Variants in DIABLO observed in about 807,000 individuals in gnomAD.
The protein encoded by DIABLO is diablo homolog, mitochondrial.
In DIABLO, 32 loss-of-function variants were observed where a neutral mutation model predicts 31.7. The ratio of observed to expected loss-of-function variants is 1.01; its 90% CI spans 0.76 to 1.35. DIABLO has a LOEUF of 1.35. Among genes scored for constraint, DIABLO ranks in the 40% most tolerant of loss-of-function variants. The pLI is 0.00. For synonymous variants in DIABLO, 132 were observed against 103.2 expected (o/e 1.28, Z -1.69); for missense variants, 316 against 286.4 (o/e 1.10, Z -0.75).
At chr12:122,226,470 A>C (rs1331689167), upstream of DIABLO, 2 of 697,510 alleles carry the variant, frequency 2.9e-6, no homozygotes, top group Non-Finnish European at 5.2e-6. Flanking sequence ...GCCGGCCAGC[A>C]GCAGCGCCCC....
intron 5 of DIABLO, 189 bp from the exon 6 acceptor site, chr12:122,208,766 C>CT (rs1334542224): frequency 1.4e-5 from 10 of 698,604 alleles, no homozygotes; most frequent in Non-Finnish European, 2.6e-5. Context: ...AACTGACACT[C>CT]TGTCAAAAAC....
intron 2 of DIABLO, chr12:122,222,347 A>T (rs1954350968): frequency 6.6e-6 from 1 of 152,326 alleles, no homozygotes; most frequent in Non-Finnish European, 1.5e-5. Context: ...TGACGCCTGT[A>T]ATCCCAGCAC....
chr12:122,210,162 T>G (rs779910130), intron 5 of DIABLO, among the ~76,000 whole-genome samples: 1 of 152,152 alleles, frequency 6.6e-6, no homozygotes, highest in Non-Finnish European at 1.5e-5. Flanking sequence ...GCTTTTCGTT[T>G]TGGTGCTGCC....
intron 1 of DIABLO, chr12:122,225,672 T>C: frequency 7.3e-7 from 1 of 1,373,158 alleles, no homozygotes; most frequent in Non-Finnish European, 9.4e-7. Context: ...CCTCAGGGAC[T>C]TCGAGTGGCT....
rs772290509 is a variant in DIABLO, at chr12:122,226,027, G to C, written c.-13C>G. 2 of 1,601,040 alleles carry C rather than the reference G, an allele frequency of 1.2e-6. No homozygotes were observed. Among genetic ancestry groups the C allele is most frequent in the African/African-American group, 2.7e-5 (2 of 74,702 alleles). On this transcript the variant is annotated 5_prime_UTR_variant, in exon 1 of 6. Transcript: ENST00000464942. ...TCAGAGCCGCCATTGTGCAGCGCGC[G>C]GACGCCAGACGCACACGCCGGAAGT...
At chr12:122,225,939 T>G (rs1221752738) in intron 1 of DIABLO, 26 bp downstream of exon 1, 1 of 1,578,050 alleles carries the variant, frequency 6.3e-7, no homozygotes, top group Non-Finnish European at 8.6e-7. Context: ...TCTGGTCCTG[T>G]CCCCTCTACG....
chr12:122,211,077 TAAAAAAAAAAAAA>T lies in DIABLO; in HGVS notation c.524-2513_524-2501del, dbSNP rs1156571584. 5.2e-3 allele frequency among the ~76,000 whole-genome samples: 75 copies of T among 14,342 alleles called. 1 individual carries two copies. The East Asian group carries it at 0.061, about 12-fold the overall frequency. The allele number at this position is 14,342 out of a possible 152,430, so 9.4% of individuals were successfully genotyped here. On this transcript the variant is annotated intron_variant, in intron 5 of 5. Coordinates refer to ENST00000464942, the MANE Select transcript of DIABLO (RefSeq NM_001371333.1). ...TGATTTTCCTTTGTTTAGTTAAAAG[TAAAAAAAAAAAAA>T]AAAAAAAAAAAAAAAAAAAAAAATC...
At chr12:122,209,791 C>G (rs1042245522) in intron 5 of DIABLO, 26 of 703,438 alleles carry the variant, frequency 3.7e-5, no homozygotes, top group African/African-American at 3.7e-4. Context: ...CAAGAACCTT[C>G]AGGACAATGT....
At chr12:122,225,476 G>A (rs1033046389) in intron 1 of DIABLO, 61 of 1,019,626 alleles carry the variant, frequency 6.0e-5, no homozygotes, top group Non-Finnish European at 6.7e-5. Flanking sequence ...ATTTAGCTCT[G>A]GACCCCTGGC....
chr12:122,212,725 C>T (rs528877390), intron 5 of DIABLO, among the ~76,000 whole-genome samples: 38 of 151,568 alleles, frequency 2.5e-4, no homozygotes, highest in Non-Finnish European at 4.6e-4. Flanking sequence ...CCCAGGTTCA[C>T]GCCATTCTCC....
chr12:122,221,689 T>C (rs1002532819), intron 2 of DIABLO: 4 of 152,178 alleles, frequency 2.6e-5, no homozygotes, highest in Non-Finnish European at 5.9e-5. Flanking sequence ...AGAGCCATCG[T>C]GCCTAGCTGA....
chr12:122,225,566 TC>T, intron 1 of DIABLO: 1 of 1,164,616 alleles, frequency 8.6e-7, no homozygotes, highest in Non-Finnish European at 1.1e-6. Flanking sequence ...CTGCGCCAGC[TC>T]CCCCGGCCCC....
In DIABLO at chr12:122,216,479, T is replaced by TG. The variant is rs1251669329; in HGVS notation, c.523+8dup. Reference sequence around the variant, plus strand: ...TAAAAAAAAAACCCAACACAAAACTTGAACCTACCAGTTTGATATGCAGCT... The same window carrying TG: ...TAAAAAAAAAACCCAACACAAAACTTGGAACCTACCAGTTTGATATGCAGCT... On this transcript the variant is annotated intron_variant, in intron 5 of 5. Coordinates refer to ENST00000464942, the MANE Select transcript of DIABLO (RefSeq NM_001371333.1). The TG allele has an allele frequency of 1.9e-6, 3 of 1,611,650 alleles. No homozygotes were observed. Among genetic ancestry groups the TG allele is most frequent in the Non-Finnish European group, 2.5e-6 (3 of 1,178,248 alleles).
intron 1 of DIABLO, chr12:122,224,874 C>T (rs1593183545): frequency 1.4e-6 from 2 of 1,437,922 alleles, no homozygotes; most frequent in East Asian, 2.9e-5. Context: ...AGGCCAAGGG[C>T]AAGGCGGGAG....
Position 122,208,580 on chromosome 12 carries a change from G to A in DIABLO, c.524-3C>T. The A allele has an allele frequency of 6.2e-7, 1 of 1,611,680 alleles. No homozygotes were observed. The highest frequency in any genetic ancestry group is 1.3e-5 in the African/African-American group (1 of 75,040). ...GGTTATAGAGGCCTGATCTGCGCCTGCCAAAAGATGGGACAATCGGGTTGA... is the reference window on the plus strand; with the variant it reads ...GGTTATAGAGGCCTGATCTGCGCCTACCAAAAGATGGGACAATCGGGTTGA... On this transcript the variant is annotated splice_region_variant and splice_polypyrimidine_tract_variant and intron_variant, in intron 5 of 5. Transcript: ENST00000464942.
rs755377544 is a variant in DIABLO at position 122,225,983 on chromosome 12, C to T, written c.32G>A (p.Ser11Asn). ...GCGGTACCTGAAGAATGAAGTTACG[C>T]TGCGCGACAGCCAACTCTTCAGAGC... is the stretch of plus-strand genomic sequence containing the variant. MAALKSWLSR[S>N]VTSFFRYRQC... Residue 11 changes from serine to asparagine, a missense_variant, in exon 1 of 6, where the codon AGC (serine) becomes AAC (asparagine). Ser to Asn is a conservative substitution (Grantham distance 46). Transcript: ENST00000464942. 17 of 1,601,504 alleles carry T rather than the reference C, an allele frequency of 1.1e-5. No individual in the cohort carries two copies. The South Asian group carries it at 1.5e-4, about 14-fold the overall frequency.
intron 5 of DIABLO, among the ~76,000 whole-genome samples, chr12:122,211,770 T>C (rs1954094116): frequency 6.6e-6 from 1 of 152,182 alleles, no homozygotes; most frequent in Non-Finnish European, 1.5e-5. Flanking sequence ...GAAAATTGAG[T>C]ATTACACACA....
chr12:122,216,825 T>A lies in DIABLO; in HGVS notation c.360A>T (p.Leu120Phe), dbSNP rs759161752. The stretch of plus-strand genomic sequence containing the variant: ...CCTCCTCTGAATTCATTTTCCCAAG[T>A]AAACTTGTATATTGTCGGTAAAGAG... ...LTSLYRQYTSLLGKMNSEEED... is the reference protein window; with the variant it reads ...LTSLYRQYTSFLGKMNSEEED... Residue 120 changes from leucine to phenylalanine, a missense_variant, in exon 4 of 6, where the codon TTA becomes TTT. Transcript: ENST00000464942. 3 of 1,614,156 alleles carry A rather than the reference T, an allele frequency of 1.9e-6. No homozygotes were observed. Among genetic ancestry groups the A allele is most frequent in the Non-Finnish European group, 2.5e-6 (3 of 1,180,026 alleles).
In DIABLO at chr12:122,224,953, T is replaced by TAA. The variant is rs5801478; in HGVS notation, c.51-311_51-310dup. On this transcript the variant is annotated intron_variant, in intron 1 of 5. Coordinates refer to ENST00000464942, the MANE Select transcript of DIABLO (RefSeq NM_001371333.1). ...GCTGGCAACATGACCCCGTGTCTAT[T>TAA]AAAAAAAAATAAGTAAATAAAGGCC... 4 of 698,710 alleles carry TAA rather than the reference T, an allele frequency of 5.7e-6. No homozygotes were observed. The African/African-American group carries it at 7.5e-5, about 13-fold the overall frequency. 43.3% of individuals were successfully genotyped at this position (698,710 alleles called of 1,614,324 possible).
Sources: gnomAD v4.1 joint callset for allele counts (sites outside exome capture counted in the v4.1 genomes callset) on GRCh38, gnomAD v4.1.1 for gene constraint, MANE v1.5 for transcripts, NCBI Gene and HGNC (gene_info 2026-07-23, HGNC 2026-07-21) for gene names.